MAGI1: variants seen among roughly 807,000 people sequenced by gnomAD.
MAGI1 encodes membrane associated guanylate kinase, WW and PDZ domain containing 1.
A neutral mutation model predicts 139.9 loss-of-function variants in MAGI1; 58 were observed. The observed-to-expected ratio is 0.41, with a 90% CI of 0.34 to 0.52. MAGI1 has a LOEUF of 0.52. MAGI1 is among the 20% of genes least tolerant of loss of function. MAGI1 has a pLI of 0.12. For missense variants in MAGI1, 1,874 were observed against 1,901.6 expected (o/e 0.99, Z 0.27); for synonymous variants, 812 against 737.9 (o/e 1.10, Z -1.63).
chr3:65,753,108 T>C (rs901520259), intron 1 of MAGI1, among the ~76,000 whole-genome samples: 4 of 152,132 alleles, frequency 2.6e-5, no homozygotes, highest in Admixed American at 1.3e-4. Context: ...AAGGAGGAAC[T>C]TACGTCATAG....
intron 5 of MAGI1, among the ~76,000 whole-genome samples, chr3:65,468,947 C>CGATA (rs1553648864): frequency 7.4e-6 from 1 of 134,714 alleles, no homozygotes; most frequent in African/African-American, 2.8e-5. Context: ...GGAAGGGAAA[C>CGATA]AATAAATAAA....
intron 1 of MAGI1, among the ~76,000 whole-genome samples, chr3:65,987,661 C>A (rs767594681): frequency 6.6e-6 from 1 of 152,192 alleles, no homozygotes; most frequent in African/African-American, 2.4e-5. Context: ...ATGGCATGAT[C>A]CCCACACACT....
chr3:65,520,602 T>A (rs1375648332), intron 2 of MAGI1, among the ~76,000 whole-genome samples: 2 of 152,140 alleles, frequency 1.3e-5, no homozygotes, highest in Non-Finnish European at 2.9e-5. Context: ...ATTAATAGGA[T>A]TGATTTTTTA....
At chr3:65,801,972 T>C (rs1041557146) in intron 1 of MAGI1, among the ~76,000 whole-genome samples, 5 of 152,050 alleles carry the variant, frequency 3.3e-5, no homozygotes, top group Non-Finnish European at 5.9e-5. Flanking sequence ...GAAACCTATT[T>C]TGAACTGCAC....
intron 2 of MAGI1, among the ~76,000 whole-genome samples, chr3:65,522,253 T>C (rs969505033): frequency 6.6e-6 from 1 of 152,188 alleles, no homozygotes; most frequent in Non-Finnish European, 1.5e-5. Context: ...CTGATATTAA[T>C]TGAGAGTTTC....
intron 1 of MAGI1, among the ~76,000 whole-genome samples, chr3:65,890,812 G>A (rs1478226763): frequency 6.6e-6 from 1 of 152,174 alleles, no homozygotes; most frequent in Non-Finnish European, 1.5e-5. Flanking sequence ...TACATTGATT[G>A]AACTCCTCCT....
chr3:65,478,531 C>T, intron 4 of MAGI1, 61 bp downstream of exon 4: 1 of 1,517,390 alleles, frequency 6.6e-7, no homozygotes, highest in South Asian at 1.1e-5. Context: ...AAACTCTATG[C>T]AAAAGCCTCC....
rs1384995708 is a variant in MAGI1 at position 65,798,325 on chromosome 3, AAACAAAC to A, written c.314-176244_314-176238del. Among the ~76,000 whole-genome samples the A allele has an allele frequency of 4.6e-5, 7 of 152,066 alleles. No individual in the cohort carries two copies. In the South Asian group the frequency reaches 6.2e-4, roughly 14 times the overall value. ...TCTCAAAACAAACAAACAAACAAAC[AAACAAAC>A]AAACACAGCCTCAGAAGCACTGAAA... On this transcript the variant is annotated intron_variant, in intron 1 of 22. Coordinates refer to ENST00000402939, the MANE Select transcript of MAGI1 (RefSeq NM_001033057.2).
chr3:65,998,105 G>GAAA (rs374034371), intron 1 of MAGI1, among the ~76,000 whole-genome samples: 1 of 122,488 alleles, frequency 8.2e-6, no homozygotes, highest in Admixed American at 8.4e-5. Context: ...TCTGTCTCGG[G>GAAA]AAAAAAAAAA....
intron 22 of MAGI1, chr3:65,360,337 G>A (rs1306605766): frequency 1.0e-6 from 1 of 980,888 alleles, no homozygotes; most frequent in African/African-American, 1.8e-5. Context: ...CCTACATCTA[G>A]GGCATAGCTT....
At chr3:65,446,869 T>C (rs576743722) in intron 7 of MAGI1, among the ~76,000 whole-genome samples, 1 of 152,328 alleles carries the variant, frequency 6.6e-6, no homozygotes, top group Admixed American at 6.5e-5. Context: ...TTGACCATTG[T>C]TGGCATGTGC....
At chr3:65,806,207 G>A (rs2040843508) in intron 1 of MAGI1, among the ~76,000 whole-genome samples, 1 of 152,008 alleles carries the variant, frequency 6.6e-6, no homozygotes, top group Non-Finnish European at 1.5e-5. Context: ...GAGGCAGGTG[G>A]ATCACAAGGT....
In MAGI1 at chr3:65,919,679, TTCTCTC is replaced by T. The variant is rs10575249; in HGVS notation, c.313+118311_313+118316del. Among the ~76,000 whole-genome samples the T allele has an allele frequency of 3.0e-3, 444 of 147,880 alleles. 3 individuals carry two copies. Among genetic ancestry groups the T allele is most frequent in the African/African-American group, 7.6e-3 (305 of 40,362 alleles). On this transcript the variant is annotated intron_variant, in intron 1 of 22. Coordinates refer to ENST00000402939, the MANE Select transcript of MAGI1 (RefSeq NM_001033057.2). ...ATTTTCATTCTCTCATTCTCTCTCC[TTCTCTC>T]TCTCTCTCTCTCTCTCTCTCTCTCA...
chr3:65,378,679 TTTTC>T (rs1942774576), intron 17 of MAGI1, among the ~76,000 whole-genome samples: 1 of 143,388 alleles, frequency 7.0e-6, no homozygotes, highest in South Asian at 2.3e-4. Context: ...TTTCCTTTCC[TTTTC>T]TTTTTTTTTT....
At chr3:65,878,677 G>T (rs2060213370) in intron 1 of MAGI1, among the ~76,000 whole-genome samples, 2 of 152,098 alleles carry the variant, frequency 1.3e-5, no homozygotes, top group African/African-American at 4.8e-5. Flanking sequence ...TGACAAAATG[G>T]ATATGTTTCC....
chr3:65,866,161 G>A lies in MAGI1; in HGVS notation c.313+171835C>T, dbSNP rs1208557679. On this transcript the variant is annotated intron_variant, in intron 1 of 22. Transcript: ENST00000402939. ...GTAAATTATATAAAATATATACTAC[G>A]TATAAAGAATAACTGTGGCTGGGGG... Among the ~76,000 whole-genome samples the A allele has an allele frequency of 7.3e-5, 11 of 150,556 alleles. No individual in the cohort carries two copies. In the East Asian group the frequency reaches 1.6e-3, roughly 21 times the overall value.
intron 2 of MAGI1, among the ~76,000 whole-genome samples, chr3:65,578,023 T>C (rs9880912): frequency 0.67 from 101,657 of 152,102 alleles, 34,872 homozygotes; most frequent in East Asian, 0.94. Flanking sequence ...TGCAATGCTG[T>C]CCGCCCCTTG....
At chr3:65,843,248 G>C (rs1559934539) in intron 1 of MAGI1, among the ~76,000 whole-genome samples, 1 of 152,134 alleles carries the variant, frequency 6.6e-6, no homozygotes, top group South Asian at 2.1e-4. Flanking sequence ...GCCATATTAT[G>C]TGGCAGCCCT....
chr3:65,878,426 G>A (rs569932786), intron 1 of MAGI1, among the ~76,000 whole-genome samples: 86 of 149,882 alleles, frequency 5.7e-4, no homozygotes, highest in African/African-American at 1.9e-3. Flanking sequence ...TGAAGTAGGC[G>A]AATTGCTTGA....
Sources: gnomAD v4.1 joint callset for allele counts (sites outside exome capture counted in the v4.1 genomes callset) on GRCh38, gnomAD v4.1.1 for gene constraint, MANE v1.5 for transcripts, NCBI Gene and HGNC (gene_info 2026-07-23, HGNC 2026-07-21) for gene names.